The following CSMD1 variants were observed in gnomAD, a reference collection of about 807,000 sequenced individuals.
The protein encoded by CSMD1 is CUB and sushi domain-containing protein 1.
CSMD1 carries 213 observed loss-of-function variants against 417.5 expected under a neutral mutation model. The observed-to-expected ratio is 0.51, with a 90% CI of 0.46 to 0.57. CSMD1 has a LOEUF of 0.57. Ranked by LOEUF, CSMD1 falls within the 20% of genes least tolerant of loss-of-function variation. CSMD1 has a pLI of 0.00. For missense variants in CSMD1, 6,923 were observed against 4,529.7 expected (o/e 1.53, Z -15.17); for synonymous variants, 2,862 against 1,736.8 (o/e 1.65, Z -16.11).
chr8:3,552,187 ACT>A (rs1798944701), intron 10 of CSMD1, among the ~76,000 whole-genome samples: 1 of 152,216 alleles, frequency 6.6e-6, no homozygotes, highest in Non-Finnish European at 1.5e-5. Flanking sequence ...CAAACAGAGT[ACT>A]GTCTGTGGAA....
At chr8:4,680,973 TGTGAGAGAGAGA>T (rs1806010085) in intron 1 of CSMD1, among the ~76,000 whole-genome samples, 1 of 138,622 alleles carries the variant, frequency 7.2e-6, no homozygotes, top group Non-Finnish European at 1.6e-5. Context: ...TGTGTGTGTG[TGTGAGAGAGAGA>T]GAGAGAGAGA....
intron 3 of CSMD1, among the ~76,000 whole-genome samples, chr8:4,166,893 C>G (rs930175295): frequency 6.6e-6 from 1 of 152,172 alleles, no homozygotes; most frequent in South Asian, 2.1e-4. Flanking sequence ...ATTTCCTTAG[C>G]AGCAGCAGCC....
rs138723096 is a variant in CSMD1 at position 4,945,769 on chromosome 8, A to T, written c.85+48563T>A. On this transcript the variant is annotated intron_variant, in intron 1 of 69. Coordinates refer to ENST00000635120, the MANE Select transcript of CSMD1 (RefSeq NM_033225.6). Reference sequence around the variant, plus strand: ...ATGATGCCACCTGGAGAAGATGATGAATACTGGAGAATGGTGACGGATGAG... The same window carrying T: ...ATGATGCCACCTGGAGAAGATGATGTATACTGGAGAATGGTGACGGATGAG... 1.5e-3 allele frequency among the ~76,000 whole-genome samples: 224 copies of T among 152,232 alleles called. 1 individual carries two copies. Among genetic ancestry groups the T allele is most frequent in the African/African-American group, 5.2e-3 (215 of 41,552 alleles).
At chr8:4,452,105 T>C (rs548122870) in intron 2 of CSMD1, among the ~76,000 whole-genome samples, 2 of 152,228 alleles carry the variant, frequency 1.3e-5, no homozygotes, top group East Asian at 1.9e-4. Context: ...TTTAGGGCAG[T>C]GTGATGCTTC....
chr8:4,848,755 G>A (rs1273097534), intron 1 of CSMD1, among the ~76,000 whole-genome samples: 1 of 152,136 alleles, frequency 6.6e-6, no homozygotes, highest in Non-Finnish European at 1.5e-5. Flanking sequence ...TGCTGGCCAG[G>A]CTAGTCTCAG....
At chr8:2,957,647 T>C in intron 63 of CSMD1, 49 bp downstream of exon 63, 1 of 1,183,830 alleles carries the variant, frequency 8.4e-7, no homozygotes, top group Non-Finnish European at 1.2e-6. Context: ...TCTCAGACAT[T>C]CACAATAAAT....
chr8:3,412,727 T>A (rs1239411008), intron 12 of CSMD1, among the ~76,000 whole-genome samples: 1 of 152,204 alleles, frequency 6.6e-6, no homozygotes, highest in African/African-American at 2.4e-5. Flanking sequence ...ACAAGCCAAA[T>A]ACATCTATAG....
chr8:3,488,528 C>G (rs1036655798), intron 11 of CSMD1, among the ~76,000 whole-genome samples: 1 of 152,154 alleles, frequency 6.6e-6, no homozygotes, highest in African/African-American at 2.4e-5. Context: ...TATTAGCACT[C>G]TTACTATTAA....
intron 10 of CSMD1, among the ~76,000 whole-genome samples, chr8:3,499,746 G>C (rs1352196100): frequency 2.0e-5 from 3 of 151,994 alleles, no homozygotes; most frequent in African/African-American, 7.3e-5. Context: ...GAGTGCAGCT[G>C]GGGTCATAGT....
chr8:3,361,896 T>G (rs1471231959), intron 20 of CSMD1, among the ~76,000 whole-genome samples: 2 of 152,174 alleles, frequency 1.3e-5, no homozygotes, highest in African/African-American at 4.8e-5. Flanking sequence ...GTAACCATCT[T>G]GATTAGGCTT....
intron 2 of CSMD1, among the ~76,000 whole-genome samples, chr8:4,583,552 C>G (rs1170387118): frequency 2.6e-5 from 4 of 152,034 alleles, no homozygotes; most frequent in African/African-American, 9.7e-5. Context: ...TGTAAACACA[C>G]CAATCAGCAC....
At position 4,958,229 on chromosome 8, in the gene CSMD1, G is replaced by C. The variant is rs1470827617; in HGVS notation, c.85+36103C>G. ...TATATTTTTATAGTTTTCATGAAGA[G>C]TCAATATATTCAATATGAGATTAGA... is the stretch of plus-strand genomic sequence containing the variant. On this transcript the variant is annotated intron_variant, in intron 1 of 69. Transcript: ENST00000635120. Among the ~76,000 whole-genome samples, 3 of 152,046 alleles carry C rather than the reference G, an allele frequency of 2.0e-5. No homozygotes were observed. In the East Asian group the frequency reaches 5.8e-4, roughly 29 times the overall value.
chr8:3,523,808 TAC>T (rs898073815), intron 10 of CSMD1, among the ~76,000 whole-genome samples: 6 of 118,212 alleles, frequency 5.1e-5, no homozygotes, highest in African/African-American at 1.8e-4. Context: ...CATGTGCACA[TAC>T]ACACACGCAC....
rs1811908240 is a variant in CSMD1 at position 3,399,485 on chromosome 8, G to A, written c.2311C>T (p.Pro771Ser). The change falls in exon 16 of 70, where the codon CCT becomes TCT. Residue 771 changes from proline (P) to serine (S), a missense_variant. Physicochemically the swap from Pro to Ser is moderately conservative, Grantham distance 74. Coordinates refer to ENST00000635120, the MANE Select transcript of CSMD1 (RefSeq NM_033225.6). ...TTATAATATCCTGGCCATCCAGGAGGCAAAATGACTCCGCTGGACGCTGTC... is the reference window on the plus strand; with the variant it reads ...TTATAATATCCTGGCCATCCAGGAGACAAAATGACTCCGCTGGACGCTGTC... ...HLTASSGVILPPGWPGYYKDS... is the reference protein window; with the variant it reads ...HLTASSGVILSPGWPGYYKDS... 1.9e-6 allele frequency: 3 copies of A among 1,609,160 alleles called. No homozygotes were observed. Among genetic ancestry groups the A allele is most frequent in the South Asian group, 1.1e-5 (1 of 89,830 alleles).
chr8:4,007,899 T>G (rs1816251389), intron 4 of CSMD1, among the ~76,000 whole-genome samples: 1 of 151,520 alleles, frequency 6.6e-6, no homozygotes, highest in South Asian at 2.1e-4. Flanking sequence ...TAAGAATGAG[T>G]GTTAAAAAAA....
At chr8:4,778,142 A>G (rs1585083574) in intron 1 of CSMD1, among the ~76,000 whole-genome samples, 1 of 152,198 alleles carries the variant, frequency 6.6e-6, no homozygotes, top group Admixed American at 6.5e-5. Context: ...AAATTAATAT[A>G]AATATACATT....
Position 3,387,608 on chromosome 8 carries a change from CAA to C in CSMD1, c.2666_2667del (p.Phe889TrpfsTer11). On this transcript the variant is annotated frameshift_variant, in exon 18 of 70. Transcript: ENST00000635120. LOFTEE classifies it high-confidence loss of function. ...CTGAAAGTCACTGTGGACCTGATGC[CAA>C]AGTCTCCACCGTGGCGATGGCCGTT... The part of the protein sequence containing the change: ...PVNGHRHGGD[F>X]GIRSTVTFSC... The C allele has an allele frequency of 6.2e-7, 1 of 1,601,480 alleles. No homozygotes were observed. The highest frequency in any genetic ancestry group is 8.5e-7 in the Non-Finnish European group (1 of 1,173,904).
At chr8:4,903,703 A>G (rs889196235) in intron 1 of CSMD1, among the ~76,000 whole-genome samples, 1 of 152,212 alleles carries the variant, frequency 6.6e-6, no homozygotes, top group South Asian at 2.1e-4. Flanking sequence ...ATAAGGTCCC[A>G]CAACTCTAAA....
chr8:3,987,303 C>A (rs1177845840), intron 5 of CSMD1, among the ~76,000 whole-genome samples: 2 of 152,208 alleles, frequency 1.3e-5, no homozygotes, highest in African/African-American at 4.8e-5. Context: ...GATGACCTCA[C>A]TGAGCAGTGC....
Sources: gnomAD v4.1 joint callset for allele counts (sites outside exome capture counted in the v4.1 genomes callset) on GRCh38, gnomAD v4.1.1 for gene constraint, MANE v1.5 for transcripts, NCBI Gene and HGNC (gene_info 2026-07-23, HGNC 2026-07-21) for gene names.